UBR4: variants seen among roughly 807,000 people sequenced by gnomAD.
UBR4 encodes the protein E3 ubiquitin-protein ligase UBR4.
UBR4 carries 124 observed loss-of-function variants against 575.6 expected under a neutral mutation model. That is an observed-to-expected ratio of 0.22 (90% CI 0.19 to 0.25). The LOEUF is 0.25. Ranked by LOEUF, UBR4 falls within the 10% of genes least tolerant of loss-of-function variation. The pLI is 1.00. For synonymous variants in UBR4, 2,455 were observed against 2,473.7 expected, an observed-to-expected ratio of 0.99 and a Z score of 0.22; for missense variants, 4,818 against 6,478.8, an observed-to-expected ratio of 0.74 and a Z score of 8.80.
chr1:19,193,580 C>T (rs777325010), intron 8 of UBR4, 23 bp from the exon 9 acceptor site: 1 of 1,607,274 alleles, frequency 6.2e-7, no homozygotes, highest in Non-Finnish European at 8.5e-7. Flanking sequence ...ATGCACAGGT[C>T]TCAGCCATGG....
chr1:19,082,107 C>T (rs1454127060), intron 102 of UBR4: 1 of 328,318 alleles, frequency 3.0e-6, no homozygotes, highest in African/African-American at 2.1e-5. Context: ...GCTCCCTCTT[C>T]CGGTTTGTCT....
At chr1:19,109,975 C>A in intron 81 of UBR4, 121 bp downstream of exon 81, 1 of 1,434,248 alleles carries the variant, frequency 7.0e-7, no homozygotes. Flanking sequence ...TGCACTGGAG[C>A]CTCTCAGGGG....
intron 19 of UBR4, 79 bp from the exon 20 acceptor site, chr1:19,176,806 G>A (rs1419079823): frequency 2.8e-5 from 42 of 1,475,220 alleles, no homozygotes; most frequent in African/African-American, 2.8e-4. Flanking sequence ...ATAATAGCTC[G>A]GTACACTGAA....
rs766147488 is a variant in UBR4, at chr1:19,162,400, C to A, written c.4956+20G>T. The A allele has an allele frequency of 1.2e-6, 2 of 1,601,256 alleles. No homozygotes were observed. Among genetic ancestry groups the A allele is most frequent in the South Asian group, 2.2e-5 (2 of 89,024 alleles). On this transcript the variant is annotated intron_variant, in intron 35 of 105. Coordinates refer to ENST00000375254, the MANE Select transcript of UBR4 (RefSeq NM_020765.3). ...AGTCATTACCTTGAGAGGTTAACTT[C>A]GAGGTTACTTAGTACTTACTGAATC...
At chr1:19,144,519 A>C (rs1282503759) in intron 54 of UBR4, among the ~76,000 whole-genome samples, 5 of 152,214 alleles carry the variant, frequency 3.3e-5, no homozygotes, top group African/African-American at 1.2e-4. Flanking sequence ...TTAAGTCACA[A>C]TTCACCGAGT....
At chr1:19,189,142 C>G (rs1232061810) in intron 11 of UBR4, among the ~76,000 whole-genome samples, 1 of 151,808 alleles carries the variant, frequency 6.6e-6, no homozygotes, top group African/African-American at 2.4e-5. Context: ...TCATAGCATT[C>G]TCTCCTCTAA....
In UBR4 at chr1:19,201,834, T is replaced by C. The variant is rs1415304721; in HGVS notation, c.177-19A>G. Reference sequence around the variant, plus strand: ...TGATTCACTGTAAAAATAATAATAATTCAGCCAGCATCTGCTTAGCGCTTA... The same window carrying C: ...TGATTCACTGTAAAAATAATAATAACTCAGCCAGCATCTGCTTAGCGCTTA... On this transcript the variant is annotated intron_variant, in intron 1 of 105. Coordinates refer to ENST00000375254, the MANE Select transcript of UBR4 (RefSeq NM_020765.3). The C allele has an allele frequency of 1.2e-6, 2 of 1,610,158 alleles. No individual in the cohort carries two copies. Among genetic ancestry groups the C allele is most frequent in the Non-Finnish European group, 1.7e-6 (2 of 1,176,862 alleles).
rs1190233586 is a variant in UBR4, at chr1:19,184,030, T to C, written c.2084A>G (p.Lys695Arg). The C allele has an allele frequency of 1.2e-6, 2 of 1,614,176 alleles. No individual in the cohort carries two copies. The highest frequency in any genetic ancestry group is 1.3e-5 in the African/African-American group (1 of 75,056). ...TGTCTACTGACCCTTGAGTCCATCT[T>C]TGTCCACCTCCTTGATGATACTGGC... The part of the protein sequence containing the change: ...TLASIIKEVD[K>R]DGLKGSSDEE... Residue 695 changes from lysine to arginine, a missense_variant, in exon 16 of 106, where the codon AAA (lysine) becomes AGA (arginine). Around this residue, in one of 29 missense-constraint regions of UBR4, gnomAD observed 1,172 missense variants for 1,259.7 expected, o/e 0.93. Coordinates refer to ENST00000375254, the MANE Select transcript of UBR4 (RefSeq NM_020765.3).
chr1:19,144,528 G>A (rs1451239529), intron 54 of UBR4, among the ~76,000 whole-genome samples: 1 of 152,180 alleles, frequency 6.6e-6, no homozygotes, highest in African/African-American at 2.4e-5. Context: ...AATTCACCGA[G>A]TTACCTAGCA....
chr1:19,097,447 G>A (rs1379079595), intron 90 of UBR4, among the ~76,000 whole-genome samples, 167 bp from the exon 91 acceptor site: 2 of 152,128 alleles, frequency 1.3e-5, no homozygotes, highest in Non-Finnish European at 2.9e-5. Flanking sequence ...TTCACTTAGG[G>A]GAAAGAATGC....
chr1:19,180,373 G>C (rs946027374), intron 17 of UBR4, among the ~76,000 whole-genome samples: 9 of 151,728 alleles, frequency 5.9e-5, no homozygotes, highest in Non-Finnish European at 8.8e-5. Context: ...ATTTTTAGTA[G>C]AGACGGGGTT....
Position 19,074,808 on chromosome 1 carries a change from G to C in UBR4, c.*24C>G. On this transcript the variant is annotated 3_prime_UTR_variant, in exon 106 of 106. Coordinates refer to ENST00000375254, the MANE Select transcript of UBR4 (RefSeq NM_020765.3). Reference sequence around the variant, plus strand: ...TGGAAGGCAAGCCAGCTTCGTCTTCGCCGCCGCAGCTGCTGTGTGGTGGTC... The same window carrying C: ...TGGAAGGCAAGCCAGCTTCGTCTTCCCCGCCGCAGCTGCTGTGTGGTGGTC... 2 of 1,613,402 alleles carry C rather than the reference G, an allele frequency of 1.2e-6. No homozygotes were observed. Among genetic ancestry groups the C allele is most frequent in the Non-Finnish European group, 1.7e-6 (2 of 1,179,766 alleles).
At chr1:19,115,216 C>T (rs1010238638) in intron 74 of UBR4, among the ~76,000 whole-genome samples, 182 bp downstream of exon 74, 1 of 147,720 alleles carries the variant, frequency 6.8e-6, no homozygotes, top group Non-Finnish European at 1.5e-5. Context: ...CACACACACA[C>T]ACACACTCAC....
chr1:19,199,104 T>C (rs778825987), intron 3 of UBR4, among the ~76,000 whole-genome samples, 176 bp from the exon 4 acceptor site: 1 of 152,240 alleles, frequency 6.6e-6, no homozygotes, highest in East Asian at 1.9e-4. Context: ...ATTTGTCTTA[T>C]TGTTCTCACA....
intron 11 of UBR4, among the ~76,000 whole-genome samples, chr1:19,188,364 G>C (rs1480389057): frequency 6.6e-6 from 1 of 152,032 alleles, no homozygotes; most frequent in Non-Finnish European, 1.5e-5. Context: ...GACCAACCTG[G>C]GCAACATGGC....
intron 39 of UBR4, among the ~76,000 whole-genome samples, chr1:19,159,129 G>A (rs563001876): frequency 6.6e-6 from 1 of 152,176 alleles, no homozygotes; most frequent in Non-Finnish European, 1.5e-5. Flanking sequence ...CTAGGTGACA[G>A]AGCAAGACTC....
chr1:19,129,931 C>T (rs2082240403), intron 60 of UBR4, among the ~76,000 whole-genome samples: 1 of 151,972 alleles, frequency 6.6e-6, no homozygotes, highest in Non-Finnish European at 1.5e-5. Context: ...TGTAAGAAAC[C>T]ATATACCTAT....
rs202172064 is a variant in UBR4, at chr1:19,151,752, G to A, written c.7104C>T (p.Ile2368=). The A allele has an allele frequency of 6.2e-6, 10 of 1,614,182 alleles. No individual in the cohort carries two copies. In the East Asian group the frequency reaches 6.7e-5, roughly 11 times the overall value. ...GCTGCATAGTTCTGCCGAAGATCTC[G>A]ATATATGACGGGGCCCGTTCTATTG... The part of the protein sequence containing the change: ...TQAIERAPSY[I]EIFGRTMQLN... The change falls in exon 48 of 106, where the codon ATC becomes ATT. Residue 2368 remains isoleucine (I), a synonymous_variant. Coordinates refer to ENST00000375254, the MANE Select transcript of UBR4 (RefSeq NM_020765.3).
chr1:19,146,573 G>A (rs1367280008), intron 52 of UBR4, among the ~76,000 whole-genome samples: 1 of 152,218 alleles, frequency 6.6e-6, no homozygotes, highest in African/African-American at 2.4e-5. Flanking sequence ...TAACTTCAGA[G>A]ACAGATTATA....
Sources: gnomAD v4.1 joint callset for allele counts (sites outside exome capture counted in the v4.1 genomes callset) on GRCh38, gnomAD v4.1.1 for gene constraint, gnomAD v4.1.1 regional missense constraint, MANE v1.5 for transcripts, NCBI Gene and HGNC (gene_info 2026-07-23, HGNC 2026-07-21) for gene names.